BCL9: variants seen among roughly 807,000 people sequenced by gnomAD.
BCL9 encodes the protein BCL9 transcription coactivator.
Under a neutral mutation model 88.5 loss-of-function variants are expected in BCL9, and 25 were observed. The observed-to-expected ratio is 0.28, with a 90% confidence interval of 0.21 to 0.39. The LOEUF (loss-of-function observed/expected upper bound fraction) is 0.39, where lower values mean the gene tolerates loss of function less well. BCL9 is among the 10% of genes least tolerant of loss of function. The pLI is 1.00. For missense variants in BCL9, 1,817 were observed against 1,877.8 expected (o/e 0.97, Z 0.60); for synonymous variants, 711 against 673.3 (o/e 1.06, Z -0.87).
chr1:147,622,968 C>CT (rs202085114), intron 9 of BCL9, among the ~76,000 whole-genome samples: 145,172 of 146,292 alleles, frequency 0.99, 72,026 homozygotes, highest in South Asian at 1. Context: ...CTAGACAAGC[C>CT]TTTTTTTTTT....
At position 147,622,461 on chromosome 1, in the gene BCL9, T is replaced by A. The variant is rs782711105; in HGVS notation, c.3093T>A (p.Thr1031=). ...STPLYHDAIK[T]VASSDDDSPP... is the part of the protein sequence containing the mutation. ...CGTTATACCATGATGCTATCAAGAC[T>A]GTGGCCAGCTCAGATGACGACTCCC... The change falls in exon 9 of 10, where the codon ACT becomes ACA. Residue 1031 remains threonine (T), a synonymous_variant. Coordinates refer to ENST00000234739, the MANE Select transcript of BCL9 (RefSeq NM_004326.4). The A allele has an allele frequency of 6.2e-6, 10 of 1,614,206 alleles. No homozygotes were observed. Among genetic ancestry groups the A allele is most frequent in the Middle Eastern group, 1.6e-4 (1 of 6,062 alleles).
chr1:147,609,051 A>C (rs1173452479), intron 3 of BCL9, among the ~76,000 whole-genome samples: 1 of 152,238 alleles, frequency 6.6e-6, no homozygotes, highest in Non-Finnish European at 1.5e-5. Context: ...AGAACAATGC[A>C]TGGCACATAG....
intron 1 of BCL9, among the ~76,000 whole-genome samples, chr1:147,567,749 C>A (rs768893767): frequency 2.6e-5 from 4 of 152,048 alleles, no homozygotes; most frequent in Non-Finnish European, 5.9e-5. Flanking sequence ...AGCTTAAAAC[C>A]GTTCTTGTCT....
Position 147,619,584 on chromosome 1 carries a change from C to G in BCL9, c.1429C>G (p.Gln477Glu). Residue 477 changes from glutamine (Q) to glutamate (E), a missense_variant, in exon 8 of 10, where the codon CAG becomes GAG. This residue lies in a region of BCL9 where 1,228 missense variants were observed against 1,191.6 expected (regional missense o/e 1.03). Transcript: ENST00000234739. This position sits in a 1 kb window ranked among gnomAD's most constrained non-coding sequence, Gnocchi z 4.1. ...PEQIAWLKLQ[Q>E]EFYEEKRRKQ... ...GCAGATAGCGTGGCTGAAACTGCAG[C>G]AGGAGTTTTATGAAGAGAAGAGGAG... The G allele has an allele frequency of 1.2e-6, 2 of 1,613,988 alleles. No homozygotes were observed. Among genetic ancestry groups the G allele is most frequent in the South Asian group, 1.1e-5 (1 of 91,052 alleles).
chr1:147,603,388 G>A (rs61838398), intron 1 of BCL9, among the ~76,000 whole-genome samples: 142,960 of 152,328 alleles, frequency 0.94, 67,158 homozygotes, highest in East Asian at 1. Flanking sequence ...GGCCTTGGAT[G>A]TGTTTCCTGG....
chr1:147,575,641 G>A (rs587683366), intron 1 of BCL9, among the ~76,000 whole-genome samples: 31 of 152,212 alleles, frequency 2.0e-4, no homozygotes, highest in South Asian at 2.1e-4. Context: ...AAGGATAGGG[G>A]AATAGAGATT....
intron 1 of BCL9, among the ~76,000 whole-genome samples, chr1:147,560,531 C>CGAGAGGCGGAGGTTGCA (rs1655328820): frequency 6.6e-6 from 1 of 150,904 alleles, no homozygotes; most frequent in East Asian, 2.0e-4. Flanking sequence ...CGCTTGAACC[C>CGAGAGGCGGAGGTTGCA]GAGAGGCGGA....
intron 3 of BCL9, among the ~76,000 whole-genome samples, chr1:147,608,858 A>G (rs1330352952): frequency 2.6e-5 from 4 of 152,236 alleles, no homozygotes; most frequent in African/African-American, 4.8e-5. Context: ...GATGAAGAGC[A>G]TAGACTTTGG....
rs782616482 is a variant in BCL9 at position 147,620,556 on chromosome 1, A to G, written c.2401A>G (p.Arg801Gly). 1.9e-6 allele frequency: 3 copies of G among 1,613,580 alleles called. No homozygotes were observed. Among genetic ancestry groups the G allele is most frequent in the Non-Finnish European group, 2.5e-6 (3 of 1,179,848 alleles). Residue 801 changes from arginine (R) to glycine (G), a missense_variant, in exon 8 of 10, where the codon AGA becomes GGA. By Grantham distance (125) the Arg-to-Gly change is moderately radical. Coordinates refer to ENST00000234739, the MANE Select transcript of BCL9 (RefSeq NM_004326.4). ...PGSNSGLRNL[R>G]EPIGPDQRTN... is the part of the protein sequence containing the mutation. The stretch of plus-strand genomic sequence containing the variant: ...CAGCAACAGTGGCTTGCGGAATCTC[A>G]GAGAACCAATTGGGCCCGACCAGAG...
At chr1:147,582,721 A>T (rs1322679781) in intron 1 of BCL9, among the ~76,000 whole-genome samples, 1 of 152,246 alleles carries the variant, frequency 6.6e-6, no homozygotes, top group Non-Finnish European at 1.5e-5. Flanking sequence ...CTGAAGCAAA[A>T]CTATGCTCAT....
In BCL9 at chr1:147,541,569, G is replaced by A. The variant is rs1238789785; in HGVS notation, c.-583G>A. On this transcript the variant is annotated 5_prime_UTR_variant, in exon 1 of 10. Coordinates refer to ENST00000234739, the MANE Select transcript of BCL9 (RefSeq NM_004326.4). The stretch of plus-strand genomic sequence containing the variant: ...TGCTTTGATGTTGTCCTGGTGTCTT[G>A]ATACCAGGAGGCCAGGGATTGCGGG... The A allele has an allele frequency of 6.6e-6, 1 of 152,182 alleles. No individual in the cohort carries two copies. Among genetic ancestry groups the A allele is most frequent in the South Asian group, 2.1e-4 (1 of 4,830 alleles). The allele number at this position is 152,182 out of a possible 1,614,324, so 9.4% of individuals were successfully genotyped here.
At chr1:147,558,937 A>G in intron 1 of BCL9, among the ~76,000 whole-genome samples, 1 of 150,214 alleles carries the variant, frequency 6.7e-6, no homozygotes, top group South Asian at 2.1e-4. Context: ...ATAAGTATAA[A>G]CTCCTCCTCC....
chr1:147,584,725 A>G (rs587641739), intron 1 of BCL9, among the ~76,000 whole-genome samples: 1 of 152,298 alleles, frequency 6.6e-6, no homozygotes, highest in South Asian at 2.1e-4. Flanking sequence ...TGTAAATTTC[A>G]GTAGCATCTT....
intron 1 of BCL9, among the ~76,000 whole-genome samples, chr1:147,580,175 A>G (rs587706239): frequency 1.3e-5 from 2 of 152,242 alleles, no homozygotes; most frequent in Admixed American, 6.5e-5. Flanking sequence ...GCAGGCAGCT[A>G]TGGATAGAAT....
At chr1:147,584,759 G>A (rs1018283796) in intron 1 of BCL9, among the ~76,000 whole-genome samples, 1 of 152,268 alleles carries the variant, frequency 6.6e-6, no homozygotes, top group East Asian at 1.9e-4. Flanking sequence ...CAATTTGTCA[G>A]GAATGCAGTA....
At chr1:147,560,145 T>C (rs1035963495) in intron 1 of BCL9, among the ~76,000 whole-genome samples, 3 of 152,152 alleles carry the variant, frequency 2.0e-5, no homozygotes, top group Non-Finnish European at 4.4e-5. Flanking sequence ...TCAAGCTTGT[T>C]GGTAGGCAAG....
At chr1:147,575,451 G>A (rs1346810817) in intron 1 of BCL9, among the ~76,000 whole-genome samples, 6 of 152,198 alleles carry the variant, frequency 3.9e-5, no homozygotes, top group East Asian at 1.9e-4. Context: ...GCAGGTGTTC[G>A]AGGAGTAAGA....
chr1:147,563,284 C>A (rs1382172580), intron 1 of BCL9, among the ~76,000 whole-genome samples: 1 of 152,196 alleles, frequency 6.6e-6, no homozygotes, highest in African/African-American at 2.4e-5. Flanking sequence ...CTCCTCTTCA[C>A]CAAAAGTAAG....
intron 1 of BCL9, among the ~76,000 whole-genome samples, chr1:147,570,822 A>G (rs1412955239): frequency 6.6e-6 from 1 of 151,642 alleles, no homozygotes; most frequent in Non-Finnish European, 1.5e-5. Context: ...TTCAGTAGAG[A>G]TGGGGTTTCT....
Sources: allele counts gnomAD v4.1 joint callset (sites outside exome capture counted in the v4.1 genomes callset), GRCh38; gene constraint gnomAD v4.1.1; regional missense constraint gnomAD v4.1.1; non-coding constraint Gnocchi (gnomAD v3.1); transcripts MANE v1.5; gene names NCBI Gene and HGNC (gene_info 2026-07-23, HGNC 2026-07-21).